The following FGF14 variants were observed in gnomAD, a reference collection of about 807,000 sequenced individuals.
FGF14 encodes fibroblast growth factor 14.
Under a neutral mutation model 25.5 loss-of-function variants are expected in FGF14, and 5 were observed. That is an observed-to-expected ratio of 0.20 (90% CI 0.10 to 0.41). The LOEUF (loss-of-function observed/expected upper bound fraction) is 0.41, where lower values mean the gene tolerates loss of function less well. Ranked by LOEUF, FGF14 falls within the 10% of genes least tolerant of loss-of-function variation. The pLI is 1.00. For missense variants in FGF14, 222 were observed against 320.1 expected (o/e 0.69, Z 2.34); for synonymous variants, 138 against 118.3 (o/e 1.17, Z -1.08).
At chr13:102,268,515 G>A (rs764847893) in intron 1 of FGF14, among the ~76,000 whole-genome samples, 1 of 151,924 alleles carries the variant, frequency 6.6e-6, no homozygotes, top group Non-Finnish European at 1.5e-5. Context: ...TGTGGATACA[G>A]GAAAATGTCT....
intron 3 of FGF14, chr13:101,868,332 C>G (rs1168296564): frequency 1.0e-5 from 2 of 200,166 alleles, no homozygotes; most frequent in South Asian, 8.3e-5. Flanking sequence ...AATATCCACA[C>G]AATTTGAATT....
intron 1 of FGF14, among the ~76,000 whole-genome samples, chr13:102,379,279 T>A (rs913567385): frequency 6.6e-6 from 1 of 152,068 alleles, no homozygotes; most frequent in African/African-American, 2.4e-5. Context: ...TTACTCTAAC[T>A]ACATTCATTC....
upstream of FGF14, among the ~76,000 whole-genome samples, chr13:101,921,815 G>T (rs2034025756): frequency 6.6e-6 from 1 of 152,128 alleles, no homozygotes; most frequent in South Asian, 2.1e-4. Context: ...TATACTTGCT[G>T]TTGCATTTGA....
intron 3 of FGF14, among the ~76,000 whole-genome samples, chr13:101,789,413 G>A (rs917630016): frequency 1.3e-5 from 2 of 152,114 alleles, no homozygotes; most frequent in Non-Finnish European, 2.9e-5. Context: ...TTAGTCCTGT[G>A]AGATTTGGTC....
At chr13:102,397,358 G>C (rs1483453607) in intron 1 of FGF14, among the ~76,000 whole-genome samples, 1 of 152,158 alleles carries the variant, frequency 6.6e-6, no homozygotes, top group East Asian at 1.9e-4. Context: ...GTGATCATGG[G>C]TCCTACCAAG....
intron 1 of FGF14, among the ~76,000 whole-genome samples, chr13:101,883,868 G>C (rs574660622): frequency 6.6e-6 from 1 of 151,712 alleles, no homozygotes; most frequent in Admixed American, 6.6e-5. Flanking sequence ...TTCAACACCA[G>C]CTTGGCCTAC....
At chr13:102,020,257 G>C (rs948292883) in intron 1 of FGF14, among the ~76,000 whole-genome samples, 57 of 151,458 alleles carry the variant, frequency 3.8e-4, no homozygotes, top group African/African-American at 1.4e-3. Context: ...AGGTAAGAGA[G>C]TGAGAGAATA....
At chr13:102,093,160 A>G (rs2044242985) in intron 1 of FGF14, among the ~76,000 whole-genome samples, 1 of 152,154 alleles carries the variant, frequency 6.6e-6, no homozygotes, top group Non-Finnish European at 1.5e-5. Flanking sequence ...ATTTGCAAAA[A>G]CATGCAGAGA....
chr13:102,249,549 G>GGTGTGTGTGTGTGT (rs55773652), intron 1 of FGF14, among the ~76,000 whole-genome samples: 119 of 150,400 alleles, frequency 7.9e-4, no homozygotes, highest in African/African-American at 2.8e-3. Flanking sequence ...TACTGAGAGG[G>GGTGTGTGTGTGTGT]GTGTGTGTGT....
At chr13:102,004,228 A>G (rs2039662664) in intron 1 of FGF14, among the ~76,000 whole-genome samples, 1 of 152,206 alleles carries the variant, frequency 6.6e-6, no homozygotes, top group Non-Finnish European at 1.5e-5. Context: ...ATAAACTTAT[A>G]CTTGAAAAGG....
chr13:102,376,400 G>A (rs1019390251), intron 1 of FGF14, among the ~76,000 whole-genome samples: 1 of 152,146 alleles, frequency 6.6e-6, no homozygotes, highest in Non-Finnish European at 1.5e-5. Context: ...TCTCAGATAT[G>A]TCTTTATTAG....
rs2034832403 is a variant in FGF14 at position 101,719,188 on chromosome 13, G to A, written c.*3643C>T. The A allele has an allele frequency of 6.6e-6, 1 of 152,048 alleles. No homozygotes were observed. Among genetic ancestry groups the A allele is most frequent in the African/African-American group, 2.4e-5 (1 of 41,390 alleles). 9.4% of individuals were successfully genotyped at this position (152,048 alleles called of 1,614,324 possible). On this transcript the variant is annotated 3_prime_UTR_variant, in exon 5 of 5. Coordinates refer to ENST00000376143, the MANE Select transcript of FGF14 (RefSeq NM_004115.4). ...GTGATACGTGTCTAACTTACTTAAA[G>A]AATAAGTTTTTGGTTTTTGCTTTTA...
chr13:101,966,855 T>C (rs931310477), intron 1 of FGF14, among the ~76,000 whole-genome samples: 1 of 152,122 alleles, frequency 6.6e-6, no homozygotes, highest in African/African-American at 2.4e-5. Flanking sequence ...GACAGAAGGA[T>C]CGTGAGACAG....
chr13:102,314,051 A>G (rs907429596), intron 1 of FGF14, among the ~76,000 whole-genome samples: 10 of 152,162 alleles, frequency 6.6e-5, no homozygotes, highest in Admixed American at 2.6e-4. Flanking sequence ...AATGCACCTC[A>G]CTACTTCAGG....
chr13:102,081,411 A>G (rs1473437615), intron 1 of FGF14, among the ~76,000 whole-genome samples: 1 of 152,172 alleles, frequency 6.6e-6, no homozygotes, highest in Non-Finnish European at 1.5e-5. Flanking sequence ...GATACCAATA[A>G]ATGTTCAGGA....
chr13:101,897,267 AATAG>A (rs1277194789), intron 1 of FGF14, among the ~76,000 whole-genome samples: 1 of 152,188 alleles, frequency 6.6e-6, no homozygotes, highest in Non-Finnish European at 1.5e-5. Context: ...AGTTAAGCAG[AATAG>A]ATAGAATTAT....
intron 1 of FGF14, among the ~76,000 whole-genome samples, chr13:101,981,082 AACACACACACACACAC>A (rs58666555): frequency 1.9e-4 from 23 of 123,782 alleles, no homozygotes; most frequent in South Asian, 1.6e-3. Context: ...TCTCTACTAA[AACACACACACACACAC>A]ACACACACAC....
chr13:102,151,797 C>G (rs1387393919), intron 1 of FGF14, among the ~76,000 whole-genome samples: 1 of 152,182 alleles, frequency 6.6e-6, no homozygotes, highest in Non-Finnish European at 1.5e-5. Context: ...CATACCCGAC[C>G]TCCATTTTTA....
intron 1 of FGF14, among the ~76,000 whole-genome samples, chr13:102,269,234 G>A (rs1350516119): frequency 6.6e-6 from 1 of 152,180 alleles, no homozygotes; most frequent in Non-Finnish European, 1.5e-5. Context: ...GGCAATTTCT[G>A]CTAATATATC....
Sources: gnomAD v4.1 joint callset for allele counts (sites outside exome capture counted in the v4.1 genomes callset) on GRCh38, gnomAD v4.1.1 for gene constraint, MANE v1.5 for transcripts, NCBI Gene and HGNC (gene_info 2026-07-23, HGNC 2026-07-21) for gene names.